Variants in DPY19L4 observed in about 807,000 individuals in gnomAD.
DPY19L4 encodes the protein dpy-19 like 4, also known as probable C-mannosyltransferase DPY19L4.
Under a neutral mutation model 102.8 loss-of-function variants are expected in DPY19L4, and 97 were observed. The ratio of observed to expected loss-of-function variants is 0.94; its 90% CI spans 0.80 to 1.12. The LOEUF (loss-of-function observed/expected upper bound fraction) is 1.12. DPY19L4 is among the 50% of genes most tolerant of loss of function. The pLI, the probability that DPY19L4 is intolerant of heterozygous loss-of-function variation, is 0.00. For synonymous variants in DPY19L4, 252 were observed against 283.1 expected (o/e 0.89, Z 1.10); for missense variants, 815 against 850.4 (o/e 0.96, Z 0.52).
At chr8:94,752,585 CAAAAAAAAAA>C (rs370640228) in intron 6 of DPY19L4, among the ~76,000 whole-genome samples, 11 of 80,176 alleles carry the variant, frequency 1.4e-4, no homozygotes, top group African/African-American at 2.6e-4. Flanking sequence ...GACTCCATCT[CAAAAAAAAAA>C]AAAAAAAAAA....
At chr8:94,780,953 G>C (rs770121901) in intron 15 of DPY19L4, 131 bp from the exon 16 acceptor site, 1 of 632,088 alleles carries the variant, frequency 1.6e-6, no homozygotes, top group African/African-American at 1.9e-5. Flanking sequence ...TTTTCCATGC[G>C]AACGGTGTTG....
At chr8:94,744,686 A>G (rs1811594781) in intron 6 of DPY19L4, 1 of 406,178 alleles carries the variant, frequency 2.5e-6, no homozygotes, top group African/African-American at 2.1e-5. Context: ...TTAAAGAATA[A>G]GACTCTCTTA....
chr8:94,776,703 G>A (rs1196651225), intron 13 of DPY19L4, among the ~76,000 whole-genome samples: 2 of 151,768 alleles, frequency 1.3e-5, no homozygotes, highest in Non-Finnish European at 2.9e-5. Flanking sequence ...GGTGGCTCAT[G>A]CCTGTAATCT....
At position 94,734,617 on chromosome 8, in the gene DPY19L4, TATACTTTTTCAG is replaced by T. The variant is rs759099060; in HGVS notation, c.128-10_129del. On this transcript the variant is annotated splice_acceptor_variant and splice_polypyrimidine_tract_variant and intron_variant, in intron 2 of 18. Transcript: ENST00000414645. LOFTEE classifies it high-confidence loss of function. ...CATATTACCTTTTCATTACTTTTAA[TATACTTTTTCAG>T]ATGTATTATTTCAACGCTTTGCAAA... 207 of 1,607,622 alleles carry T rather than the reference TATACTTTTTCAG, an allele frequency of 1.3e-4. No homozygotes were observed. Among genetic ancestry groups the T allele is most frequent in the Middle Eastern group, 9.9e-4 (6 of 6,042 alleles).
At chr8:94,788,816 C>T (rs1813772620) in intron 18 of DPY19L4, among the ~76,000 whole-genome samples, 1 of 152,168 alleles carries the variant, frequency 6.6e-6, no homozygotes, top group Non-Finnish European at 1.5e-5. Context: ...ATATACTATT[C>T]AGGTTGCAGC....
intron 9 of DPY19L4, 63 bp downstream of exon 9, chr8:94,765,377 C>G (rs1812627976): frequency 2.0e-6 from 3 of 1,474,432 alleles, no homozygotes; most frequent in Admixed American, 4.2e-5. Flanking sequence ...TGGAGTCTCA[C>G]TCTGTTGCCC....
intron 7 of DPY19L4, 145 bp from the exon 8 acceptor site, chr8:94,761,555 T>A: frequency 1.4e-6 from 1 of 698,816 alleles, no homozygotes. Context: ...TTAATAATAA[T>A]TATGTGATTT....
chr8:94,753,021 A>C (rs1245053090), intron 6 of DPY19L4, among the ~76,000 whole-genome samples: 4 of 151,942 alleles, frequency 2.6e-5, no homozygotes, highest in Non-Finnish European at 4.4e-5. Context: ...AAAAAAAAAA[A>C]AACCTGACAG....
At chr8:94,780,165 C>G (rs1328632551) in intron 14 of DPY19L4, among the ~76,000 whole-genome samples, 194 bp from the exon 15 acceptor site, 5 of 152,088 alleles carry the variant, frequency 3.3e-5, no homozygotes, top group Admixed American at 3.3e-4. Flanking sequence ...CACTTTACTT[C>G]CAGCTTAATA....
intron 13 of DPY19L4, among the ~76,000 whole-genome samples, chr8:94,774,575 CTTT>C (rs1813084479): frequency 6.8e-6 from 1 of 146,558 alleles, no homozygotes; most frequent in Non-Finnish European, 1.5e-5. Flanking sequence ...CTTTCCACTT[CTTT>C]CTTTTTTTTT....
chr8:94,749,698 C>G (rs754006088), intron 6 of DPY19L4, among the ~76,000 whole-genome samples: 1 of 152,160 alleles, frequency 6.6e-6, no homozygotes, highest in Non-Finnish European at 1.5e-5. Context: ...TCTCAACCTA[C>G]CAGAACAAGT....
chr8:94,761,672 T>C (rs1266982679), intron 7 of DPY19L4, 28 bp from the exon 8 acceptor site: 6 of 1,558,716 alleles, frequency 3.8e-6, no homozygotes, highest in African/African-American at 1.4e-5. Flanking sequence ...GTTATTGATA[T>C]TTAGTTTCTT....
intron 1 of DPY19L4, among the ~76,000 whole-genome samples, chr8:94,722,875 G>A (rs1810529746): frequency 6.6e-6 from 1 of 152,120 alleles, no homozygotes; most frequent in Non-Finnish European, 1.5e-5. Context: ...AATACTCTGG[G>A]AATCTGGTCT....
At chr8:94,765,606 G>A (rs954055420) in intron 9 of DPY19L4, 105 bp from the exon 10 acceptor site, 5 of 918,190 alleles carry the variant, frequency 5.4e-6, no homozygotes, top group African/African-American at 5.0e-5. Context: ...AAAGTGCTGG[G>A]ATTACAGGCT....
intron 6 of DPY19L4, among the ~76,000 whole-genome samples, chr8:94,747,712 C>T (rs1232130704): frequency 1.3e-5 from 2 of 151,994 alleles, no homozygotes; most frequent in Non-Finnish European, 2.9e-5. Context: ...GTGCCTGCCA[C>T]TATGCCTGGC....
At chr8:94,728,891 C>G (rs1810808386) in intron 2 of DPY19L4, among the ~76,000 whole-genome samples, 1 of 152,060 alleles carries the variant, frequency 6.6e-6, no homozygotes, top group Non-Finnish European at 1.5e-5. Context: ...GAAGTGAGAA[C>G]AGTTTATTAA....
chr8:94,759,774 A>G (rs1812324690), intron 7 of DPY19L4, among the ~76,000 whole-genome samples: 1 of 152,132 alleles, frequency 6.6e-6, no homozygotes. Context: ...AAGTACTGGG[A>G]TTACAGGTGT....
chr8:94,779,739 T>C (rs1813348455), intron 14 of DPY19L4, among the ~76,000 whole-genome samples: 1 of 152,128 alleles, frequency 6.6e-6, no homozygotes, highest in African/African-American at 2.4e-5. Context: ...TATGGGGAAA[T>C]GAGGAAGAGG....
At chr8:94,764,393 G>A (rs974436927) in intron 8 of DPY19L4, among the ~76,000 whole-genome samples, 12 of 151,560 alleles carry the variant, frequency 7.9e-5, no homozygotes, top group Admixed American at 7.9e-4. Flanking sequence ...TGACTAACAC[G>A]GTGAAATCCC....
Sources: gnomAD v4.1 joint callset for allele counts (sites outside exome capture counted in the v4.1 genomes callset) on GRCh38, gnomAD v4.1.1 for gene constraint, MANE v1.5 for transcripts, NCBI Gene and HGNC (gene_info 2026-07-23, HGNC 2026-07-21) for gene names.